WNK1: variants seen among roughly 807,000 people sequenced by gnomAD.
WNK1 encodes serine/threonine-protein kinase WNK1.
In WNK1, 38 loss-of-function variants were observed where a neutral mutation model predicts 222.8. That is an observed-to-expected ratio of 0.17 (90% CI 0.13 to 0.22). WNK1 has a LOEUF of 0.22. WNK1 is among the 10% of genes least tolerant of loss of function. The probability of loss-of-function intolerance (pLI) is 1.00; values close to 1 mark genes in which losing one functional copy is unlikely to be tolerated. For missense variants in WNK1, 2,348 were observed against 2,918.4 expected (o/e 0.80, Z 4.50); for synonymous variants, 1,090 against 1,092.9 (o/e 1.00, Z 0.05).
At chr12:809,068 A>C (rs368900635) in intron 1 of WNK1, among the ~76,000 whole-genome samples, 1 of 151,558 alleles carries the variant, frequency 6.6e-6, no homozygotes, top group Non-Finnish European at 1.5e-5. Context: ...CTGGCCTCCT[A>C]TCTCTCTTAT....
chr12:786,067 T>C (rs1469055165), intron 1 of WNK1, among the ~76,000 whole-genome samples: 2 of 152,250 alleles, frequency 1.3e-5, no homozygotes, highest in Admixed American at 6.5e-5. Flanking sequence ...TTTTTATTTA[T>C]AGTCTAATGT....
intron 4 of WNK1, among the ~76,000 whole-genome samples, chr12:848,854 C>G (rs1950218797): frequency 6.6e-6 from 1 of 152,118 alleles, no homozygotes; most frequent in African/African-American, 2.4e-5. Flanking sequence ...AAAGGTTGCT[C>G]TTTATAGAAT....
intron 25 of WNK1, among the ~76,000 whole-genome samples, chr12:900,046 G>A (rs1955120815): frequency 7.1e-6 from 1 of 141,276 alleles, no homozygotes; most frequent in Non-Finnish European, 1.5e-5. Flanking sequence ...GAGTGCAGTG[G>A]CATGATGTCG....
intron 1 of WNK1, chr12:781,025 T>C (rs1346259091): frequency 6.6e-6 from 1 of 152,590 alleles, no homozygotes; most frequent in Middle Eastern, 3.2e-3. Context: ...ACTTAGTATA[T>C]GCACACATAA....
intron 26 of WNK1, chr12:901,448 C>T (rs1955250818): frequency 7.0e-6 from 4 of 571,272 alleles, no homozygotes; most frequent in Non-Finnish European, 1.0e-5. Flanking sequence ...GCTTGTTCTT[C>T]TGTGTGCCAT....
rs1953547730 is a variant in WNK1, at chr12:885,261, G to A, written c.4457G>A (p.Gly1486Glu). The change falls in exon 19 of 28, where the codon GGA becomes GAA. Residue 1486 changes from glycine (G) to glutamate (E), a missense_variant. Physicochemically the swap from Gly to Glu is moderately conservative, Grantham distance 98. Around this residue, in one of 13 missense-constraint regions of WNK1, gnomAD observed 1,144 missense variants for 1,273.6 expected, o/e 0.90. Transcript: ENST00000315939. ...SQQAAGSTTV[G>E]ATLTSVSTTT... ...CAGGCAGCAGGCAGCACTACTGTGGGAGCCACATTAACATCAGTTTCTACC... is the reference window on the plus strand; with the variant it reads ...CAGGCAGCAGGCAGCACTACTGTGGAAGCCACATTAACATCAGTTTCTACC... 6.2e-7 allele frequency: 1 copy of A among 1,614,130 alleles called. No individual in the cohort carries two copies. The highest frequency in any genetic ancestry group is 8.5e-7 in the Non-Finnish European group (1 of 1,180,014).
At chr12:771,940 C>G (rs1942555984) in intron 1 of WNK1, among the ~76,000 whole-genome samples, 1 of 151,878 alleles carries the variant, frequency 6.6e-6, no homozygotes, top group Admixed American at 6.6e-5. Flanking sequence ...TTGAGAAACC[C>G]TCTTAATTTA....
At chr12:783,380 T>G (rs1943922495) in intron 1 of WNK1, among the ~76,000 whole-genome samples, 1 of 152,064 alleles carries the variant, frequency 6.6e-6, no homozygotes, top group Non-Finnish European at 1.5e-5. Context: ...CTGGGCGTGG[T>G]GACACATACA....
chr12:847,713 GGTGC>G (rs139511059), intron 4 of WNK1, among the ~76,000 whole-genome samples: 6,241 of 151,496 alleles, frequency 0.041, 238 homozygotes, highest in Admixed American at 0.11. Flanking sequence ...TGGTGAAGGT[GGTGC>G]AGTGTATCTA....
chr12:874,676 CT>C (rs1420343407), intron 9 of WNK1, among the ~76,000 whole-genome samples: 1 of 151,934 alleles, frequency 6.6e-6, no homozygotes, highest in Non-Finnish European at 1.5e-5. Context: ...TATTAAAGTG[CT>C]TTGTACATTG....
intron 1 of WNK1, among the ~76,000 whole-genome samples, chr12:799,146 CAG>C (rs557117106): frequency 1.6e-4 from 24 of 152,192 alleles, no homozygotes; most frequent in South Asian, 8.3e-4. Context: ...TTTTTTGAGA[CAG>C]AGTCTTGCTC....
chr12:803,954 ACT>A (rs1354612594), intron 1 of WNK1, among the ~76,000 whole-genome samples: 1 of 152,032 alleles, frequency 6.6e-6, no homozygotes, highest in African/African-American at 2.4e-5. Flanking sequence ...AATGCAGACA[ACT>A]CTATTTTCTA....
Position 827,524 on chromosome 12 carries a change from TTG to T in WNK1, c.1153+264_1153+265del, listed in dbSNP as rs879832030. 6.6e-4 allele frequency: 221 copies of T among 336,486 alleles called. No homozygotes were observed. The highest frequency in any genetic ancestry group is 9.6e-4 in the Admixed American group (14 of 14,620). The allele number at this position is 336,486 out of a possible 1,614,324, so 20.8% of individuals were successfully genotyped here. On this transcript the variant is annotated intron_variant, in intron 3 of 27. Coordinates refer to ENST00000315939, the MANE Select transcript of WNK1 (RefSeq NM_018979.4). This position sits in a 1 kb window ranked among gnomAD's most constrained non-coding sequence, Gnocchi z 4.6. ...AAACCTAATGTAATAGCCTTTTTTG[TTG>T]TTGTTGTTGTTGTTGTTGTTGAGAT...
chr12:790,415 G>A lies in WNK1; in HGVS notation c.760-23227G>A, dbSNP rs149032442. Among the ~76,000 whole-genome samples, 3 of 152,260 alleles carry A rather than the reference G, an allele frequency of 2.0e-5. No individual in the cohort carries two copies. The East Asian group carries it at 5.8e-4, about 29-fold the overall frequency. On this transcript the variant is annotated intron_variant, in intron 1 of 27. Transcript: ENST00000315939. The stretch of plus-strand genomic sequence containing the variant: ...CACCGTGCCACATCTGGAGAAAGTG[G>A]TCTGTAAACTAAGTTTTGTGGACAA...
intron 1 of WNK1, among the ~76,000 whole-genome samples, chr12:794,217 C>T (rs779178004): frequency 6.6e-6 from 1 of 152,108 alleles, no homozygotes. Flanking sequence ...CTGCTATAAA[C>T]GTTCATTTAT....
intron 22 of WNK1, among the ~76,000 whole-genome samples, chr12:894,232 G>T (rs1448064405): frequency 6.6e-6 from 1 of 151,984 alleles, no homozygotes; most frequent in Non-Finnish European, 1.5e-5. Context: ...AAATAAAGAT[G>T]GGTCCTTAAT....
chr12:767,269 T>TTTTTTTTTTC (rs1941866881), intron 1 of WNK1, among the ~76,000 whole-genome samples: 1 of 98,638 alleles, frequency 1.0e-5, no homozygotes, highest in Admixed American at 1.2e-4. Flanking sequence ...TTTTTTTTTT[T>TTTTTTTTTTC]GGAGACAGAG....
At chr12:899,001 AAGTGCTGGGATTAC>A (rs1477995356) in intron 25 of WNK1, among the ~76,000 whole-genome samples, 84 of 152,114 alleles carry the variant, frequency 5.5e-4, no homozygotes, top group Non-Finnish European at 5.9e-5. Context: ...TGGCCTCCCA[AAGTGCTGGGATTAC>A]AGGCGTGAGC....
At chr12:905,592 C>T (rs577229100) in intron 26 of WNK1, among the ~76,000 whole-genome samples, 1 of 152,282 alleles carries the variant, frequency 6.6e-6, no homozygotes, top group Non-Finnish European at 1.5e-5. Flanking sequence ...TTGTCTCTCA[C>T]ATCAAGCTCA....
Sources: gnomAD v4.1 joint callset for allele counts (sites outside exome capture counted in the v4.1 genomes callset) on GRCh38, gnomAD v4.1.1 for gene constraint, gnomAD v4.1.1 regional missense constraint, Gnocchi (gnomAD v3.1) non-coding constraint, MANE v1.5 for transcripts, NCBI Gene and HGNC (gene_info 2026-07-23, HGNC 2026-07-21) for gene names.